The following ITSN1 variants were observed in gnomAD, a reference collection of about 807,000 sequenced individuals.
ITSN1 encodes intersectin-1.
A neutral mutation model predicts 239.8 loss-of-function variants in ITSN1; 58 were observed. That is an observed-to-expected ratio of 0.24 (90% confidence interval 0.20 to 0.30). The LOEUF is 0.30. Ranked by LOEUF, ITSN1 falls within the 10% of genes least tolerant of loss-of-function variation. The probability of loss-of-function intolerance (pLI) is 1.00; values close to 1 mark genes in which losing one functional copy is unlikely to be tolerated. For missense variants in ITSN1, 1,558 were observed against 2,103.3 expected (o/e 0.74, Z 5.07); for synonymous variants, 780 against 770.8 (o/e 1.01, Z -0.20).
At chr21:33,695,008 G>T (rs1451885063) in intron 1 of ITSN1, among the ~76,000 whole-genome samples, 3 of 152,052 alleles carry the variant, frequency 2.0e-5, no homozygotes, top group Admixed American at 1.3e-4. Flanking sequence ...TAGAGATGAG[G>T]TCTTACCATC....
intron 29 of ITSN1, 140 bp from the exon 30 acceptor site, chr21:33,856,596 G>A: frequency 9.0e-7 from 1 of 1,116,004 alleles, no homozygotes; most frequent in Non-Finnish European, 1.3e-6. Flanking sequence ...ACATATTACT[G>A]GGGAGGACAC....
At chr21:33,846,806 C>A (rs781674747) in intron 29 of ITSN1, among the ~76,000 whole-genome samples, 52 of 152,162 alleles carry the variant, frequency 3.4e-4, no homozygotes, top group Non-Finnish European at 5.9e-5. Context: ...AGTTTCCCTC[C>A]CCAGGAGGAA....
intron 17 of ITSN1, among the ~76,000 whole-genome samples, chr21:33,796,693 C>T (rs1247332197): frequency 6.6e-6 from 1 of 152,192 alleles, no homozygotes; most frequent in African/African-American, 2.4e-5. Flanking sequence ...CTAGGACTAC[C>T]AACCTGATTC....
intron 1 of ITSN1, among the ~76,000 whole-genome samples, chr21:33,706,233 G>T (rs1183843056): frequency 6.6e-6 from 1 of 151,778 alleles, no homozygotes; most frequent in East Asian, 1.9e-4. Context: ...TGGCCAGGCT[G>T]GTCTGGAACT....
intron 1 of ITSN1, among the ~76,000 whole-genome samples, chr21:33,656,199 C>G (rs1347595420): frequency 6.6e-6 from 1 of 152,012 alleles, no homozygotes; most frequent in East Asian, 1.9e-4. Context: ...GGCCTTGGGT[C>G]TACCTTTTCC....
intron 1 of ITSN1, among the ~76,000 whole-genome samples, chr21:33,662,766 C>T (rs2089657011): frequency 6.6e-6 from 1 of 152,174 alleles, no homozygotes; most frequent in Non-Finnish European, 1.5e-5. Flanking sequence ...TCATGTCACA[C>T]ATGTTTCTGC....
At chr21:33,779,008 T>G (rs1272313277) in intron 14 of ITSN1, among the ~76,000 whole-genome samples, 2 of 152,074 alleles carry the variant, frequency 1.3e-5, no homozygotes, top group Non-Finnish European at 2.9e-5. Flanking sequence ...TCCTAACCCC[T>G]TCTTCTCTCC....
chr21:33,887,049 G>A (rs1035846025), intron 39 of ITSN1, among the ~76,000 whole-genome samples: 3 of 152,078 alleles, frequency 2.0e-5, no homozygotes, highest in African/African-American at 7.2e-5. Context: ...TGGGCATGGT[G>A]CTGCAGGCCT....
intron 29 of ITSN1, among the ~76,000 whole-genome samples, chr21:33,842,308 G>A (rs2074851056): frequency 2.0e-5 from 3 of 152,148 alleles, no homozygotes; most frequent in African/African-American, 4.8e-5. Context: ...CTCTCAGGAA[G>A]AATCTATTCT....
In ITSN1 at chr21:33,685,616, T is replaced by TAA. The variant is rs933917476; in HGVS notation, c.-32-33160_-32-33159dup. ...TGGGACAAATTAATTCCTTTTTGAG[T>TAA]AAAAAAAAAAAAAAAAAAAAAATTC... is the stretch of plus-strand genomic sequence containing the variant. On this transcript the variant is annotated intron_variant, in intron 1 of 39. Coordinates refer to ENST00000381318, the MANE Select transcript of ITSN1 (RefSeq NM_003024.3). Among the ~76,000 whole-genome samples the TAA allele has an allele frequency of 4.0e-3, 437 of 109,270 alleles. 2 individuals carry two copies. Among genetic ancestry groups the TAA allele is most frequent in the African/African-American group, 0.014 (406 of 29,338 alleles). 71.7% of individuals were successfully genotyped at this position (109,270 alleles called of 152,430 possible). A position where few individuals can be genotyped will look rare whatever the true frequency, so the allele number is the denominator to read the frequency against.
intron 27 of ITSN1, among the ~76,000 whole-genome samples, chr21:33,830,210 A>G (rs2074215344): frequency 1.3e-5 from 2 of 152,186 alleles, no homozygotes; most frequent in Non-Finnish European, 2.9e-5. Context: ...CATCTTGTTT[A>G]CACATTTTAC....
chr21:33,794,519 A>G (rs2071385371), intron 17 of ITSN1, 51 bp downstream of exon 17: 1 of 1,565,880 alleles, frequency 6.4e-7, no homozygotes, highest in African/African-American at 1.4e-5. Context: ...TTGAGGATTT[A>G]CTATTCTTTG....
chr21:33,881,338 C>T (rs1383161963), intron 34 of ITSN1, among the ~76,000 whole-genome samples: 3 of 146,192 alleles, frequency 2.1e-5, no homozygotes, highest in Non-Finnish European at 4.5e-5. Flanking sequence ...ACCCGGGAGG[C>T]GGAGCTTGCA....
intron 20 of ITSN1, among the ~76,000 whole-genome samples, chr21:33,809,263 A>G (rs1317343473): frequency 6.6e-6 from 1 of 152,228 alleles, no homozygotes; most frequent in Non-Finnish European, 1.5e-5. Flanking sequence ...TGCATTTTAT[A>G]CAAGGGAACT....
intron 34 of ITSN1, among the ~76,000 whole-genome samples, chr21:33,877,059 CT>C (rs10529259): frequency 3.4e-4 from 36 of 106,356 alleles, no homozygotes; most frequent in Middle Eastern, 6.2e-3. Flanking sequence ...CTGTGGGCAC[CT>C]TTTTTTTTTT....
chr21:33,849,399 C>G (rs1270560982), intron 29 of ITSN1, among the ~76,000 whole-genome samples: 1 of 151,972 alleles, frequency 6.6e-6, no homozygotes, highest in East Asian at 1.9e-4. Context: ...AACCCTGTCT[C>G]TATTAAAAAT....
At chr21:33,740,548 G>A (rs1031963667) in intron 5 of ITSN1, among the ~76,000 whole-genome samples, 3 of 152,196 alleles carry the variant, frequency 2.0e-5, no homozygotes, top group African/African-American at 4.8e-5. Context: ...GATGTGATGA[G>A]CTTTTGAGTG....
At chr21:33,704,715 T>A (rs898596333) in intron 1 of ITSN1, among the ~76,000 whole-genome samples, 4 of 151,974 alleles carry the variant, frequency 2.6e-5, no homozygotes, top group Non-Finnish European at 1.5e-5. Context: ...GGCATAATGT[T>A]ATTGTAGACT....
Position 33,672,662 on chromosome 21 carries a change from G to A in ITSN1, c.-33+29949G>A, listed in dbSNP as rs151333717. Among the ~76,000 whole-genome samples the A allele has an allele frequency of 5.8e-3, 887 of 151,832 alleles. 9 individuals carry two copies. The highest frequency in any genetic ancestry group is 0.021 in the African/African-American group (857 of 41,384). On this transcript the variant is annotated intron_variant, in intron 1 of 39. Coordinates refer to ENST00000381318, the MANE Select transcript of ITSN1 (RefSeq NM_003024.3). Reference sequence around the variant, plus strand: ...AAATCAGCATCTTGGGAAGATATCTGCACTCCCATGTTCCTTGTGGCATTA... The same window carrying A: ...AAATCAGCATCTTGGGAAGATATCTACACTCCCATGTTCCTTGTGGCATTA...
Sources: allele counts gnomAD v4.1 joint callset (sites outside exome capture counted in the v4.1 genomes callset), GRCh38; gene constraint gnomAD v4.1.1; transcripts MANE v1.5; gene names NCBI Gene and HGNC (gene_info 2026-07-23, HGNC 2026-07-21).